The following ZFAT variants were observed in gnomAD, a reference collection of about 807,000 sequenced individuals.
ZFAT encodes the protein zinc finger protein ZFAT.
Under a neutral mutation model 117.7 loss-of-function variants are expected in ZFAT, and 64 were observed. The ratio of observed to expected loss-of-function variants is 0.54; its 90% CI spans 0.44 to 0.67. The LOEUF (loss-of-function observed/expected upper bound fraction) is 0.67. ZFAT is among the 30% of genes least tolerant of loss of function. The pLI, the probability that ZFAT is intolerant of heterozygous loss-of-function variation, is 0.00. For missense variants in ZFAT, 1,433 were observed against 1,584.5 expected (o/e 0.90, Z 1.62); for synonymous variants, 679 against 615.0 (o/e 1.10, Z -1.54).
the ZFAT span, among the ~76,000 whole-genome samples, chr8:134,786,760 C>T: frequency 3.3e-5 from 5 of 151,766 alleles, no homozygotes; most frequent in African/African-American, 1.2e-4. Flanking sequence ...AATTTATTCA[C>T]ATAAATTCAC....
At chr8:134,671,264 T>G (rs950286238) in intron 1 of ZFAT, among the ~76,000 whole-genome samples, 1 of 152,216 alleles carries the variant, frequency 6.6e-6, no homozygotes, top group Non-Finnish European at 1.5e-5. Flanking sequence ...GAGGCCAGCA[T>G]CGTCCTGATA....
intron 15 of ZFAT, among the ~76,000 whole-genome samples, chr8:134,494,808 T>C (rs1055397179): frequency 1.3e-5 from 2 of 152,242 alleles, no homozygotes; most frequent in African/African-American, 4.8e-5. Flanking sequence ...AGTTCATTAG[T>C]AGCAAGTACA....
intron 11 of ZFAT, among the ~76,000 whole-genome samples, chr8:134,545,189 A>G (rs963850965): frequency 6.6e-6 from 1 of 152,196 alleles, no homozygotes; most frequent in African/African-American, 2.4e-5. Flanking sequence ...TCTGACCAAT[A>G]TAACTCTGAG....
At chr8:134,677,239 C>T (rs1363143251) in intron 1 of ZFAT, among the ~76,000 whole-genome samples, 1 of 151,986 alleles carries the variant, frequency 6.6e-6, no homozygotes, top group Non-Finnish European at 1.5e-5. Context: ...CAAATAGACG[C>T]AATAAAAAAT....
At chr8:134,757,917 A>G in the ZFAT span, among the ~76,000 whole-genome samples, 1 of 152,178 alleles carries the variant, frequency 6.6e-6, no homozygotes, top group Non-Finnish European at 1.5e-5. Context: ...TGTGCCTGCA[A>G]GCTCAACAGA....
rs1831705780 is a variant in ZFAT, at chr8:134,657,856, T to C, written c.20-119A>G. On this transcript the variant is annotated intron_variant, in intron 1 of 15. Coordinates refer to ENST00000377838, the MANE Select transcript of ZFAT (RefSeq NM_020863.4). ...TGAGCCATCACCAGCCTCTACCAGA[T>C]TGTGTCTCTCTGGCAGTCACCTCCA... 7.1e-6 allele frequency: 8 copies of C among 1,121,040 alleles called. No homozygotes were observed. The South Asian group carries it at 8.1e-5, about 11-fold the overall frequency. 69.4% of individuals were successfully genotyped at this position (1,121,040 alleles called of 1,614,324 possible).
At chr8:134,575,711 T>C (rs987080735) in intron 10 of ZFAT, among the ~76,000 whole-genome samples, 2 of 152,194 alleles carry the variant, frequency 1.3e-5, no homozygotes, top group Non-Finnish European at 2.9e-5. Flanking sequence ...AGGTTTTCCC[T>C]ACTCTACCTC....
the ZFAT span, among the ~76,000 whole-genome samples, chr8:134,803,799 G>C: frequency 1.3e-5 from 2 of 152,066 alleles, no homozygotes; most frequent in African/African-American, 4.8e-5. Flanking sequence ...GGAAAAAATA[G>C]AATTATCAAG....
the ZFAT span, among the ~76,000 whole-genome samples, chr8:134,811,035 G>A: frequency 6.6e-6 from 1 of 151,738 alleles, no homozygotes; most frequent in Non-Finnish European, 1.5e-5. Flanking sequence ...CAAAAACACA[G>A]AAGAGAGAAA....
intron 10 of ZFAT, 148 bp from the exon 11 acceptor site, chr8:134,565,569 G>C (rs780180939): frequency 5.0e-5 from 39 of 778,718 alleles, no homozygotes; most frequent in Middle Eastern, 4.5e-4. Flanking sequence ...GAGGTGCACA[G>C]GCACAATGCA....
At chr8:134,494,434 G>A (rs746122991) in intron 15 of ZFAT, among the ~76,000 whole-genome samples, 21 of 152,278 alleles carry the variant, frequency 1.4e-4, no homozygotes, top group African/African-American at 4.6e-4. Context: ...GGGCCATCTC[G>A]AGGACACTGT....
rs1191520203 is a variant in ZFAT at position 134,509,449 on chromosome 8, A to G, written c.3492+170T>C. ...ACACCTCCCACATATAGAGCTATTG[A>G]AGAAGCACTCCCATGAGATCAGAGG... On this transcript the variant is annotated intron_variant, in intron 15 of 15. Coordinates refer to ENST00000377838, the MANE Select transcript of ZFAT (RefSeq NM_020863.4). Among the ~76,000 whole-genome samples, 19 of 152,066 alleles carry G rather than the reference A, an allele frequency of 1.2e-4. 1 individual carries two copies. The highest frequency in any genetic ancestry group is 8.5e-4 in the Admixed American group (13 of 15,278).
intron 11 of ZFAT, among the ~76,000 whole-genome samples, chr8:134,558,173 G>A (rs1823789279): frequency 6.6e-6 from 1 of 152,198 alleles, no homozygotes; most frequent in African/African-American, 2.4e-5. Flanking sequence ...CAGGAAGGGT[G>A]GCAAGAGGCC....
chr8:134,546,143 T>A (rs1312160200), intron 11 of ZFAT, among the ~76,000 whole-genome samples: 1 of 152,244 alleles, frequency 6.6e-6, no homozygotes, highest in Non-Finnish European at 1.5e-5. Context: ...TGATAAAAAC[T>A]GCATTGATAC....
rs571113820 is a variant in ZFAT, at chr8:134,601,688, G to C, written c.2031C>G (p.Asn677Lys). Residue 677 changes from asparagine to lysine, a missense_variant, in exon 6 of 16, where the codon AAC becomes AAG. Around this residue, in one of 5 missense-constraint regions of ZFAT, gnomAD observed 372 missense variants for 355.6 expected, o/e 1.05. Transcript: ENST00000377838. Reference protein sequence around the residue: ...DPDPSRCLRSNPAEASDLLPP... With the variant: ...DPDPSRCLRSKPAEASDLLPP... ...GGAGGAGGTCTGAGGCCTCAGCTGG[G>C]TTTGACCTGAGACACCTGCTGGGAT... 1.4e-5 allele frequency: 23 copies of C among 1,613,730 alleles called. No individual in the cohort carries two copies. The highest frequency in any genetic ancestry group is 1.9e-5 in the Non-Finnish European group (23 of 1,179,822).
At chr8:134,713,261 G>T (rs116133871), upstream of ZFAT, among the ~76,000 whole-genome samples, 964 of 152,344 alleles carry the variant, frequency 6.3e-3, 11 homozygotes, top group African/African-American at 0.021. Context: ...TCGGGGTCAG[G>T]AGTCTGGCGG....
rs560203944 is a variant in ZFAT at position 134,532,727 on chromosome 8, C to T, written c.3115+107G>A. 1.4e-5 allele frequency: 20 copies of T among 1,410,458 alleles called. No individual in the cohort carries two copies. The East Asian group carries it at 3.8e-4, about 27-fold the overall frequency. 87.4% of individuals were successfully genotyped at this position (1,410,458 alleles called of 1,614,324 possible). A position where few individuals can be genotyped will look rare whatever the true frequency, so the allele number is the denominator to read the frequency against. ...CGATGAAGAATGAACATCACTGGCACATTTATGTAGCAGAACTGAACTGCA... is the reference window on the plus strand; with the variant it reads ...CGATGAAGAATGAACATCACTGGCATATTTATGTAGCAGAACTGAACTGCA... On this transcript the variant is annotated intron_variant, in intron 12 of 15. Coordinates refer to ENST00000377838, the MANE Select transcript of ZFAT (RefSeq NM_020863.4).
intron 9 of ZFAT, among the ~76,000 whole-genome samples, chr8:134,587,131 T>C (rs1373586968): frequency 6.6e-6 from 1 of 152,174 alleles, no homozygotes; most frequent in African/African-American, 2.4e-5. Flanking sequence ...ACCTACAATG[T>C]GACCATCACT....
chr8:134,608,931 C>G (rs752171200), intron 4 of ZFAT, 52 bp from the exon 5 acceptor site: 2 of 1,566,066 alleles, frequency 1.3e-6, no homozygotes, highest in South Asian at 2.4e-5. Flanking sequence ...AAAGTGGGCA[C>G]TGACCCCATC....
Sources: gnomAD v4.1 joint callset for allele counts (sites outside exome capture counted in the v4.1 genomes callset) on GRCh38, gnomAD v4.1.1 for gene constraint, gnomAD v4.1.1 regional missense constraint, MANE v1.5 for transcripts, NCBI Gene and HGNC (gene_info 2026-07-23, HGNC 2026-07-21) for gene names.